Variants in SCN8A observed in about 807,000 individuals in gnomAD.
The protein encoded by SCN8A is sodium voltage-gated channel alpha subunit 8.
A neutral mutation model predicts 184.1 loss-of-function variants in SCN8A; 30 were observed. That is an observed-to-expected ratio of 0.16 (90% confidence interval 0.12 to 0.22). The LOEUF is 0.22. Among genes scored for constraint, SCN8A ranks in the 10% least tolerant of loss-of-function variants. The probability of loss-of-function intolerance (pLI) is 1.00; values close to 1 mark genes in which losing one functional copy is unlikely to be tolerated. For synonymous variants in SCN8A, 852 were observed against 907.0 expected (o/e 0.94, Z 1.09); for missense variants, 1,057 against 2,498.9 (o/e 0.42, Z 12.30).
At chr12:51,798,418 C>T (rs963803793) in intron 26 of SCN8A, among the ~76,000 whole-genome samples, 2 of 152,232 alleles carry the variant, frequency 1.3e-5, no homozygotes, top group Non-Finnish European at 2.9e-5. Flanking sequence ...GGACAAACCG[C>T]TGCCCTTTCC....
rs369386960 is a variant in SCN8A at position 51,662,919 on chromosome 12, C to T, written c.102C>T (p.Leu34=). 44 of 1,613,974 alleles carry T rather than the reference C, an allele frequency of 2.7e-5. No homozygotes were observed. Among genetic ancestry groups the T allele is most frequent in the East Asian group, 1.3e-4 (6 of 44,872 alleles). ...AGAGGCGCATTGCTGAGAGCAAGCTCAAGAAACCACCAAAGGCCGATGGCA... is the reference window on the plus strand; with the variant it reads ...AGAGGCGCATTGCTGAGAGCAAGCTTAAGAAACCACCAAAGGCCGATGGCA... ...NIERRIAESK[L]KKPPKADGSH... is the part of the protein sequence containing the mutation. The change falls in exon 2 of 27, where the codon CTC becomes CTT. Residue 34 remains leucine, a synonymous_variant. Transcript: ENST00000627620.
At chr12:51,697,615 T>C (rs1941616801) in intron 6 of SCN8A, among the ~76,000 whole-genome samples, 1 of 152,184 alleles carries the variant, frequency 6.6e-6, no homozygotes, top group Admixed American at 6.5e-5. Flanking sequence ...TTGAGGAGGG[T>C]ACCATATGTA....
chr12:51,614,761 T>C (rs1339576734), intron 1 of SCN8A, among the ~76,000 whole-genome samples: 1 of 150,540 alleles, frequency 6.6e-6, no homozygotes, highest in African/African-American at 2.4e-5. Flanking sequence ...TGTGGGTTTC[T>C]GGTAGATAGC....
chr12:51,669,729 G>A (rs560610430), intron 2 of SCN8A, among the ~76,000 whole-genome samples: 2 of 152,282 alleles, frequency 1.3e-5, no homozygotes, highest in African/African-American at 2.4e-5. Context: ...GGGTACCTGT[G>A]TTCCCAATAA....
At chr12:51,741,048 A>G (rs1217273450) in intron 12 of SCN8A, among the ~76,000 whole-genome samples, 1 of 152,164 alleles carries the variant, frequency 6.6e-6, no homozygotes, top group Admixed American at 6.5e-5. Context: ...GACCTCCCAA[A>G]GTGCTGGGAT....
chr12:51,780,126 A>G, intron 20 of SCN8A: 2 of 394,948 alleles, frequency 5.1e-6, no homozygotes, highest in South Asian at 1.8e-5. Flanking sequence ...TCCCTCTTGG[A>G]AAGCCAATGG....
chr12:51,744,464 T>A (rs1942477311), intron 12 of SCN8A, among the ~76,000 whole-genome samples: 1 of 152,164 alleles, frequency 6.6e-6, no homozygotes, highest in Non-Finnish European at 1.5e-5. Flanking sequence ...CATACACAGA[T>A]GTTAGTGTAG....
At position 51,673,806 on chromosome 12, in the gene SCN8A, ATTCTGTG is replaced by A. The variant is rs1941175121; in HGVS notation, c.277-10365_277-10359del. Among the ~76,000 whole-genome samples, 5 of 152,294 alleles carry A rather than the reference ATTCTGTG, an allele frequency of 3.3e-5. No homozygotes were observed. The South Asian group carries it at 1.0e-3, about 32-fold the overall frequency. On this transcript the variant is annotated intron_variant, in intron 2 of 26. Coordinates refer to ENST00000627620, the MANE Select transcript of SCN8A (RefSeq NM_001330260.2). ...CTGGTATGTAAACCTCAATAACAAT[ATTCTGTG>A]TTAACTGCTCTAATAGAAGTAAGTA...
chr12:51,664,290 C>A (rs1341822718), intron 2 of SCN8A, among the ~76,000 whole-genome samples: 1 of 151,778 alleles, frequency 6.6e-6, no homozygotes, highest in Non-Finnish European at 1.5e-5. Flanking sequence ...TCACTGCGAC[C>A]TCTGCTTCCT....
Position 51,625,116 on chromosome 12 carries a change from G to A in SCN8A, c.-55+33757G>A, listed in dbSNP as rs146306471. On this transcript the variant is annotated intron_variant, in intron 1 of 26. Transcript: ENST00000627620. The stretch of plus-strand genomic sequence containing the variant: ...GATTTTAACAAATGCATAGAGTAAC[G>A]TATGTTCCACCCTAGTAACACATAG... 7.2e-5 allele frequency among the ~76,000 whole-genome samples: 11 copies of A among 152,250 alleles called. No individual in the cohort carries two copies. The East Asian group carries it at 1.9e-3, about 27-fold the overall frequency.
intron 11 of SCN8A, among the ~76,000 whole-genome samples, chr12:51,715,637 G>A (rs1237148207): frequency 1.6e-5 from 2 of 124,666 alleles, no homozygotes; most frequent in Non-Finnish European, 3.2e-5. Context: ...CAGCCTGGGT[G>A]ACAGAGCAAG....
chr12:51,776,124 G>A (rs1219078778), intron 20 of SCN8A, among the ~76,000 whole-genome samples: 1 of 152,108 alleles, frequency 6.6e-6, no homozygotes, highest in Non-Finnish European at 1.5e-5. Context: ...CGAGTAGCTG[G>A]GGCTGCAGGC....
chr12:51,802,118 C>T (rs1938572756), intron 26 of SCN8A, among the ~76,000 whole-genome samples: 1 of 152,112 alleles, frequency 6.6e-6, no homozygotes, highest in Non-Finnish European at 1.5e-5. Context: ...ACACTCTGAA[C>T]CTCACTTCTA....
intron 19 of SCN8A, among the ~76,000 whole-genome samples, chr12:51,773,821 T>G (rs1400566295): frequency 1.3e-5 from 2 of 151,422 alleles, no homozygotes; most frequent in African/African-American, 4.9e-5. Flanking sequence ...AGAAGGAAAA[T>G]CTAGAGAGAG....
chr12:51,696,372 C>T (rs1481156655), intron 6 of SCN8A, among the ~76,000 whole-genome samples: 1 of 152,192 alleles, frequency 6.6e-6, no homozygotes, highest in Non-Finnish European at 1.5e-5. Flanking sequence ...TATAGGCCCA[C>T]TCCAACCCAG....
chr12:51,666,946 A>T (rs1312900526), intron 2 of SCN8A, among the ~76,000 whole-genome samples: 2 of 152,138 alleles, frequency 1.3e-5, no homozygotes, highest in Non-Finnish European at 2.9e-5. Flanking sequence ...CCTCTCTTTG[A>T]ATTGCCTCAG....
At chr12:51,795,131 C>A (rs1938372914) in intron 26 of SCN8A, among the ~76,000 whole-genome samples, 1 of 152,116 alleles carries the variant, frequency 6.6e-6, no homozygotes, top group Non-Finnish European at 1.5e-5. Flanking sequence ...TTGAGAGTTT[C>A]TTCACCTGTG....
chr12:51,738,634 A>G lies in SCN8A; in HGVS notation c.1999-7269A>G, dbSNP rs531760583. Among the ~76,000 whole-genome samples the G allele has an allele frequency of 6.6e-4, 100 of 152,346 alleles. No individual in the cohort carries two copies. In the South Asian group the frequency reaches 8.7e-3, roughly 13 times the overall value. ...TTTTCCCATTCCCACATATGGCACA[A>G]TCAGGAGCTGTGCTATGCGCTCTCC... On this transcript the variant is annotated intron_variant, in intron 12 of 26. Transcript: ENST00000627620.
intron 1 of SCN8A, among the ~76,000 whole-genome samples, chr12:51,612,028 C>A (rs1046898736): frequency 6.6e-6 from 1 of 151,952 alleles, no homozygotes; most frequent in Non-Finnish European, 1.5e-5. Flanking sequence ...TTTCTTTTTT[C>A]CCCCATTTTT....
Sources: gnomAD v4.1 joint callset for allele counts (sites outside exome capture counted in the v4.1 genomes callset) on GRCh38, gnomAD v4.1.1 for gene constraint, MANE v1.5 for transcripts, NCBI Gene and HGNC (gene_info 2026-07-23, HGNC 2026-07-21) for gene names.